Variants in SUMF1 observed in about 807,000 individuals in gnomAD.
The protein encoded by SUMF1 is formylglycine-generating enzyme.
Under a neutral mutation model 47.6 loss-of-function variants are expected in SUMF1, and 48 were observed. The observed-to-expected ratio is 1.01, with a 90% CI of 0.80 to 1.28. SUMF1 has a LOEUF of 1.28. Among genes scored for constraint, SUMF1 ranks in the 50% most tolerant of loss-of-function variants. SUMF1 has a pLI of 0.00. For synonymous variants in SUMF1, 230 were observed against 192.1 expected, an observed-to-expected ratio of 1.20 and a Z score of -1.63; for missense variants, 571 against 485.4, an observed-to-expected ratio of 1.18 and a Z score of -1.66.
chr3:4,246,246 C>T (rs1696667432), intron 8 of SUMF1, among the ~76,000 whole-genome samples: 1 of 152,130 alleles, frequency 6.6e-6, no homozygotes, highest in Non-Finnish European at 1.5e-5. Context: ...CCTGCTTCTG[C>T]TCACCCTCCG....
At chr3:4,134,806 C>A (rs1470824699) in intron 8 of SUMF1, among the ~76,000 whole-genome samples, 5 of 152,128 alleles carry the variant, frequency 3.3e-5, no homozygotes, top group African/African-American at 1.2e-4. Context: ...ACCGATCCCA[C>A]AGAAATACAA....
chr3:4,094,870 T>C (rs547951496), intron 8 of SUMF1, among the ~76,000 whole-genome samples: 4 of 152,280 alleles, frequency 2.6e-5, no homozygotes, highest in South Asian at 2.1e-4. Context: ...GGGATCGTGA[T>C]GTAGGCTGAC....
At chr3:4,260,376 TAA>T (rs2125022639) in intron 8 of SUMF1, among the ~76,000 whole-genome samples, 1 of 152,300 alleles carries the variant, frequency 6.6e-6, no homozygotes, top group South Asian at 2.1e-4. Flanking sequence ...TGTTGTTTCT[TAA>T]AGAGAAACCA....
intron 8 of SUMF1, among the ~76,000 whole-genome samples, chr3:4,172,571 G>C (rs1022149089): frequency 2.0e-5 from 3 of 152,070 alleles, no homozygotes; most frequent in Non-Finnish European, 2.9e-5. Context: ...GGTTCAGATG[G>C]GGTTAAGTTA....
chr3:4,233,335 T>C lies in SUMF1; in HGVS notation c.1014+142995A>G, dbSNP rs556406098. Among the ~76,000 whole-genome samples, 10 of 152,290 alleles carry C rather than the reference T, an allele frequency of 6.6e-5. No individual in the cohort carries two copies. In the South Asian group the frequency reaches 1.7e-3, roughly 25 times the overall value. On this transcript the variant is annotated intron_variant and NMD_transcript_variant, in intron 8 of 12. Coordinates refer to the SUMF1 transcript ENST00000448413. ...CTACTTCACTGAACAATGAGGTATA[T>C]GTTATAGCAATAACATTTCTTGTAG... is the stretch of plus-strand genomic sequence containing the variant.
At chr3:4,153,399 A>T (rs549929919) in intron 8 of SUMF1, among the ~76,000 whole-genome samples, 1 of 151,368 alleles carries the variant, frequency 6.6e-6, no homozygotes, top group East Asian at 1.9e-4. Flanking sequence ...TATTTTTTGT[A>T]GAGTTAGGAT....
At chr3:4,035,543 C>T (rs1251010620) in intron 9 of SUMF1, among the ~76,000 whole-genome samples, 1 of 152,064 alleles carries the variant, frequency 6.6e-6, no homozygotes, top group Non-Finnish European at 1.5e-5. Flanking sequence ...TGAATAAAAC[C>T]TTTTTTCCAA....
At chr3:4,094,182 A>G (rs1692849724) in intron 8 of SUMF1, among the ~76,000 whole-genome samples, 2 of 151,982 alleles carry the variant, frequency 1.3e-5, no homozygotes, top group Non-Finnish European at 2.9e-5. Flanking sequence ...TTGCTTTAAA[A>G]GGGAAAAGAG....
chr3:4,408,217 A>G (rs1454732498), intron 7 of SUMF1, among the ~76,000 whole-genome samples: 1 of 152,244 alleles, frequency 6.6e-6, no homozygotes, highest in African/African-American at 2.4e-5. Context: ...ACAAACGTTT[A>G]AAAATGATGA....
At position 4,198,021 on chromosome 3, in the gene SUMF1, TG is replaced by T. The variant is rs201634556; in HGVS notation, c.1015-129277del. 5.9e-4 allele frequency among the ~76,000 whole-genome samples: 75 copies of T among 126,994 alleles called. 1 individual carries two copies. The East Asian group carries it at 0.018, about 30-fold the overall frequency. The allele number at this position is 126,994 out of a possible 152,430, so 83.3% of individuals were successfully genotyped here. ...GTTTAAGTTGATGGGTTTTTGTGTT[TG>T]TTTTAGGCTTTTTTTTTTTTTTTCG... On this transcript the variant is annotated intron_variant and NMD_transcript_variant, in intron 8 of 12. Transcript: ENST00000448413.
At chr3:4,249,973 C>T (rs1215757947) in intron 8 of SUMF1, among the ~76,000 whole-genome samples, 1 of 152,106 alleles carries the variant, frequency 6.6e-6, no homozygotes, top group African/African-American at 2.4e-5. Context: ...CACTTGAGGC[C>T]AGGAGTTTGA....
intron 8 of SUMF1, among the ~76,000 whole-genome samples, chr3:4,116,225 C>T (rs920557602): frequency 1.3e-5 from 2 of 152,096 alleles, no homozygotes; most frequent in Admixed American, 6.5e-5. Flanking sequence ...CAACCCAGGT[C>T]TCCTGGTTGC....
At chr3:4,141,694 C>T (rs1259874614) in intron 8 of SUMF1, among the ~76,000 whole-genome samples, 1 of 152,004 alleles carries the variant, frequency 6.6e-6, no homozygotes, top group African/African-American at 2.4e-5. Context: ...AACAAACAAA[C>T]AAAAAACATA....
chr3:4,365,441 T>G (rs2125187136), intron 8 of SUMF1, among the ~76,000 whole-genome samples: 1 of 126,346 alleles, frequency 7.9e-6, no homozygotes, highest in African/African-American at 2.8e-5. Context: ...TAGCTCTTGT[T>G]GTTGAATTGA....
chr3:4,461,148 A>C (rs2079805312), intron 1 of SUMF1, among the ~76,000 whole-genome samples: 1 of 152,204 alleles, frequency 6.6e-6, no homozygotes, highest in African/African-American at 2.4e-5. Flanking sequence ...CATAATTATA[A>C]AAATGCTATT....
intron 8 of SUMF1, among the ~76,000 whole-genome samples, chr3:4,203,658 C>T (rs952797435): frequency 2.0e-5 from 3 of 151,754 alleles, no homozygotes; most frequent in African/African-American, 4.8e-5. Context: ...TTGTGGTCTT[C>T]TCTTCCTTCC....
chr3:4,376,491 C>A lies in SUMF1; in HGVS notation c.955-102G>T, dbSNP rs1210836517. 5.0e-6 allele frequency: 6 copies of A among 1,193,118 alleles called. No individual in the cohort carries two copies. The East Asian group carries it at 1.2e-4, about 23-fold the overall frequency. The allele number at this position is 1,193,118 out of a possible 1,614,324, so 73.9% of individuals were successfully genotyped here. On this transcript the variant is annotated intron_variant, in intron 7 of 8. Coordinates refer to ENST00000272902, the MANE Select transcript of SUMF1 (RefSeq NM_182760.4). Reference sequence around the variant, plus strand: ...GATCCAACCAGCTCTCTCATGGTTGCCTAAACTCTCCACATGCATTTCCAC... The same window carrying A: ...GATCCAACCAGCTCTCTCATGGTTGACTAAACTCTCCACATGCATTTCCAC...
At chr3:4,108,440 C>T (rs371830107) in intron 8 of SUMF1, among the ~76,000 whole-genome samples, 23 of 151,958 alleles carry the variant, frequency 1.5e-4, no homozygotes, top group East Asian at 7.7e-4. Flanking sequence ...CTATTAGGTC[C>T]GCTTGGTGCA....
intron 8 of SUMF1, among the ~76,000 whole-genome samples, chr3:4,189,760 C>T (rs1050272062): frequency 1.3e-5 from 2 of 152,162 alleles, no homozygotes; most frequent in Admixed American, 1.3e-4. Flanking sequence ...TCTCCTCCTG[C>T]TCCCCCAAAA....
Sources: gnomAD v4.1 joint callset for allele counts (sites outside exome capture counted in the v4.1 genomes callset) on GRCh38, gnomAD v4.1.1 for gene constraint, MANE v1.5 for transcripts, NCBI Gene and HGNC (gene_info 2026-07-23, HGNC 2026-07-21) for gene names.